The following CPSF3 variants were observed in gnomAD, a reference collection of about 807,000 sequenced individuals.
The protein encoded by CPSF3 is cleavage and polyadenylation specific factor 3, also known as cleavage and polyadenylation specificity factor subunit 3.
CPSF3 carries 57 observed loss-of-function variants against 84.1 expected under a neutral mutation model. The ratio of observed to expected loss-of-function variants is 0.68; its 90% CI spans 0.55 to 0.85. CPSF3 has a LOEUF of 0.85. CPSF3 is among the 40% of genes least tolerant of loss of function. CPSF3 has a pLI of 0.00. For synonymous variants in CPSF3, 275 were observed against 278.1 expected (o/e 0.99, Z 0.11); for missense variants, 522 against 838.8 (o/e 0.62, Z 4.66).
intron 15 of CPSF3, among the ~76,000 whole-genome samples, chr2:9,466,264 A>AC (rs1681927522): frequency 6.9e-5 from 3 of 43,756 alleles, no homozygotes; most frequent in South Asian, 6.6e-4. Context: ...ACACGCACAC[A>AC]AAGACGCACG....
chr2:9,468,532 A>C (rs1027124928), intron 16 of CPSF3, among the ~76,000 whole-genome samples: 1 of 151,966 alleles, frequency 6.6e-6, no homozygotes, highest in African/African-American at 2.4e-5. Flanking sequence ...GAAACGGTTT[A>C]ACAAAGTAAG....
At position 9,455,691 on chromosome 2, in the gene CPSF3, C is replaced by T; in HGVS notation, c.1537C>T (p.Gln513Ter). Reference protein sequence around the residue: ...YTDLAMSTVKQTQAIPYTGPF... With the variant: ...YTDLAMSTVK ...TGACCTGGCCATGAGCACGGTGAAG[C>T]AGACCCAAGCCATTCCATATACTGG... is the stretch of plus-strand genomic sequence containing the variant. Residue 513 changes from glutamine (Q) to a stop codon, truncating the protein, a stop_gained, in exon 13 of 18, where the codon CAG becomes TAG. Coordinates refer to ENST00000238112, the MANE Select transcript of CPSF3 (RefSeq NM_016207.4). LOFTEE classifies it high-confidence loss of function. 1 of 1,614,064 alleles carries T rather than the reference C, an allele frequency of 6.2e-7. No homozygotes were observed. Among genetic ancestry groups the T allele is most frequent in the Non-Finnish European group, 8.5e-7 (1 of 1,179,934 alleles).
At position 9,459,517 on chromosome 2, in the gene CPSF3, C is replaced by T; in HGVS notation, c.1699-14C>T. The T allele has an allele frequency of 6.2e-7, 1 of 1,600,884 alleles. No individual in the cohort carries two copies. Among genetic ancestry groups the T allele is most frequent in the African/African-American group, 1.3e-5 (1 of 74,668 alleles). On this transcript the variant is annotated splice_polypyrimidine_tract_variant and intron_variant, in intron 14 of 17. Coordinates refer to ENST00000238112, the MANE Select transcript of CPSF3 (RefSeq NM_016207.4). ...TAGGTAGGTCACTTCCTAATTCTGC[C>T]TTTTGCTTTCCAGTGGCTGGCAAAC...
chr2:9,469,922 T>C (rs553463347), intron 16 of CPSF3, among the ~76,000 whole-genome samples: 1 of 152,336 alleles, frequency 6.6e-6, no homozygotes, highest in Admixed American at 6.5e-5. Context: ...GTTTAAAATA[T>C]AATTTTTTTG....
At chr2:9,436,827 A>G (rs1680801576) in intron 7 of CPSF3, among the ~76,000 whole-genome samples, 1 of 150,026 alleles carries the variant, frequency 6.7e-6, no homozygotes, top group Non-Finnish European at 1.5e-5. Context: ...GCCCAGGAAA[A>G]CAGCAACTCT....
At chr2:9,430,105 T>G in intron 3 of CPSF3, 85 bp downstream of exon 3, 1 of 838,026 alleles carries the variant, frequency 1.2e-6, no homozygotes, top group Non-Finnish European at 1.9e-6. Flanking sequence ...GAGTTTGGTT[T>G]TTTAAAAGAG....
intron 12 of CPSF3, among the ~76,000 whole-genome samples, chr2:9,454,944 A>G (rs1681472333): frequency 6.6e-6 from 1 of 152,134 alleles, no homozygotes; most frequent in African/African-American, 2.4e-5. Context: ...TCAGTGGCAT[A>G]TAGAAGCTCA....
chr2:9,438,150 A>C (rs1680851201), intron 7 of CPSF3, among the ~76,000 whole-genome samples: 1 of 152,252 alleles, frequency 6.6e-6, no homozygotes, highest in Non-Finnish European at 1.5e-5. Flanking sequence ...CTGAAAAGGA[A>C]AACAGAAGGA....
intron 17 of CPSF3, among the ~76,000 whole-genome samples, chr2:9,472,186 C>A (rs1416254016): frequency 6.6e-6 from 1 of 151,344 alleles, no homozygotes; most frequent in Admixed American, 6.6e-5. Flanking sequence ...TGGTGGTGTG[C>A]CTGTAATCCC....
chr2:9,468,774 A>C (rs1682063795), intron 16 of CPSF3, among the ~76,000 whole-genome samples: 1 of 151,830 alleles, frequency 6.6e-6, no homozygotes, highest in Admixed American at 6.6e-5. Context: ...CTATAGGCGC[A>C]TGCCCACCAC....
rs1180022248 is a variant in CPSF3, at chr2:9,423,703, G to T, written c.-71G>T. On this transcript the variant is annotated 5_prime_UTR_variant, in exon 1 of 18. Coordinates refer to ENST00000238112, the MANE Select transcript of CPSF3 (RefSeq NM_016207.4). The stretch of plus-strand genomic sequence containing the variant: ...GGTTCTTCCTTTTTTATTTACCGGT[G>T]GCTGTGCTTCCAATTTAGGAAGACC... 6.4e-7 allele frequency: 1 copy of T among 1,573,036 alleles called. No individual in the cohort carries two copies. The highest frequency in any genetic ancestry group is 1.4e-5 in the African/African-American group (1 of 73,442).
intron 10 of CPSF3, among the ~76,000 whole-genome samples, chr2:9,447,920 C>A (rs1681180254): frequency 6.6e-6 from 1 of 152,082 alleles, no homozygotes; most frequent in Non-Finnish European, 1.5e-5. Flanking sequence ...AGCAGTGAAA[C>A]ATGGAAAAGG....
intron 14 of CPSF3, among the ~76,000 whole-genome samples, chr2:9,458,173 G>A (rs777308181): frequency 6.6e-5 from 10 of 152,152 alleles, no homozygotes; most frequent in Non-Finnish European, 1.2e-4. Context: ...GGAGGCCAAG[G>A]CAGGTGAATC....
chr2:9,451,083 G>A (rs1250577310), intron 11 of CPSF3, among the ~76,000 whole-genome samples: 1 of 152,102 alleles, frequency 6.6e-6, no homozygotes, highest in Non-Finnish European at 1.5e-5. Flanking sequence ...GAAAAAAAAA[G>A]TTTTGCAGTC....
At chr2:9,433,824 T>G (rs1680679799) in intron 5 of CPSF3, 47 bp from the exon 6 acceptor site, 1 of 1,329,280 alleles carries the variant, frequency 7.5e-7, no homozygotes, top group Non-Finnish European at 1.1e-6. Flanking sequence ...ACTAGCAAAA[T>G]GAAGCCTTCC....
In CPSF3 at chr2:9,452,653, A is replaced by G. The variant is rs1681374058; in HGVS notation, c.1396-260A>G. Among the ~76,000 whole-genome samples the G allele has an allele frequency of 2.6e-5, 4 of 152,344 alleles. No homozygotes were observed. In the South Asian group the frequency reaches 8.3e-4, roughly 32 times the overall value. On this transcript the variant is annotated intron_variant, in intron 11 of 17. Coordinates refer to ENST00000238112, the MANE Select transcript of CPSF3 (RefSeq NM_016207.4). Reference sequence around the variant, plus strand: ...AGAGCTTTCTTAAGCCCCGGCACCTAGTAAGTTACTTGCTTGTTGAACTGA... The same window carrying G: ...AGAGCTTTCTTAAGCCCCGGCACCTGGTAAGTTACTTGCTTGTTGAACTGA...
chr2:9,443,791 A>G (rs1197430241), intron 10 of CPSF3, 130 bp downstream of exon 10: 2 of 975,132 alleles, frequency 2.1e-6, no homozygotes, highest in Admixed American at 5.0e-5. Flanking sequence ...AGAGCCTTTC[A>G]CATGCACTCG....
chr2:9,466,249 CG>C (rs1681921666), intron 15 of CPSF3, among the ~76,000 whole-genome samples: 1 of 98,964 alleles, frequency 1.0e-5, no homozygotes, highest in Non-Finnish European at 2.4e-5. Flanking sequence ...CGCACGCACG[CG>C]CACACACGCA....
At chr2:9,450,351 C>T (rs897185768) in intron 11 of CPSF3, among the ~76,000 whole-genome samples, 1 of 151,950 alleles carries the variant, frequency 6.6e-6, no homozygotes, top group African/African-American at 2.4e-5. Flanking sequence ...GACAGTGTTT[C>T]ACCACATTGG....
Sources: allele counts gnomAD v4.1 joint callset (sites outside exome capture counted in the v4.1 genomes callset), GRCh38; gene constraint gnomAD v4.1.1; transcripts MANE v1.5; gene names NCBI Gene and HGNC (gene_info 2026-07-23, HGNC 2026-07-21).